MIER3: variants seen among roughly 807,000 people sequenced by gnomAD.
MIER3 encodes the protein MIER family member 3.
MIER3 carries 9 observed loss-of-function variants against 63.2 expected under a neutral mutation model. That is an observed-to-expected ratio of 0.14 (90% CI 0.09 to 0.25). MIER3 has a LOEUF of 0.25. Ranked by LOEUF, MIER3 falls within the 10% of genes least tolerant of loss-of-function variation. The pLI, the probability that MIER3 is intolerant of heterozygous loss-of-function variation, is 1.00. For missense variants in MIER3, 512 were observed against 666.2 expected (o/e 0.77, Z 2.55); for synonymous variants, 205 against 224.9 (o/e 0.91, Z 0.79).
chr5:56,935,573 C>T (rs983075590), intron 6 of MIER3, 73 bp from the exon 7 acceptor site: 1 of 1,493,830 alleles, frequency 6.7e-7, no homozygotes, highest in African/African-American at 1.4e-5. Context: ...TATCATTAAT[C>T]AGTTTCTACA....
At chr5:56,950,775 G>T (rs371005199) in intron 1 of MIER3, 123 bp from the exon 2 acceptor site, 4 of 1,104,992 alleles carry the variant, frequency 3.6e-6, no homozygotes, top group Non-Finnish European at 5.4e-6. Flanking sequence ...AGTGCAAGAC[G>T]TAGCTTCACT....
intron 3 of MIER3, among the ~76,000 whole-genome samples, chr5:56,939,788 C>T (rs1276476233): frequency 6.6e-6 from 1 of 152,178 alleles, no homozygotes; most frequent in Non-Finnish European, 1.5e-5. Context: ...TAAGTGTTAC[C>T]ATGCACAACG....
rs768854071 is a variant in MIER3 at position 56,923,160 on chromosome 5, G to C, written c.1621C>G (p.Leu541Val). ...GAGTGTAGGGCCGCGTGCTGATGCA[G>C]AGCATGGGCACTGATGAAACCATTG... The part of the protein sequence containing the change: ...ETNGFISAHA[L>V]HQHAALHSE The change falls in exon 13 of 13, where the codon CTG becomes GTG. Residue 541 changes from leucine (L) to valine (V), a missense_variant. This residue lies in a region of MIER3 where 218 missense variants were observed against 251.2 expected (regional missense o/e 0.87). Coordinates refer to ENST00000381199, the MANE Select transcript of MIER3 (RefSeq NM_001297599.2). The C allele has an allele frequency of 1.9e-6, 3 of 1,613,944 alleles. No individual in the cohort carries two copies. The highest frequency in any genetic ancestry group is 2.2e-5 in the East Asian group (1 of 44,878).
chr5:56,934,598 ACTGTC>A (rs1331616908), intron 7 of MIER3, among the ~76,000 whole-genome samples: 1 of 152,288 alleles, frequency 6.6e-6, no homozygotes, highest in East Asian at 1.9e-4. Context: ...CCCTGGGATA[ACTGTC>A]TTTTAACACT....
chr5:56,947,221 A>ATAT, intron 2 of MIER3, 150 bp from the exon 3 acceptor site: 1 of 745,870 alleles, frequency 1.3e-6, no homozygotes, highest in Non-Finnish European at 2.0e-6. Flanking sequence ...GTTATAAATT[A>ATAT]AGACCCCATG....
Position 56,947,008 on chromosome 5 carries a change from T to C in MIER3, c.98A>G (p.Tyr33Cys), listed in dbSNP as rs1189319527. The change falls in exon 3 of 13, where the codon TAT becomes TGT. Residue 33 changes from tyrosine to cysteine, a missense_variant. Physicochemically the swap from Tyr to Cys is radical, Grantham distance 194 (BLOSUM62 -2). Around this residue, in one of 5 missense-constraint regions of MIER3, gnomAD observed 98 missense variants for 107.4 expected, o/e 0.91. Transcript: ENST00000381199. ...DPTAEMLVHD[Y>C]DDERTLEEEE... ...TTCTTCAAGAGTTCTTTCATCATCA[T>C]AGTCATGGACCAACATCTCAGCAGT... is the stretch of plus-strand genomic sequence containing the variant. 4 of 1,610,454 alleles carry C rather than the reference T, an allele frequency of 2.5e-6. No homozygotes were observed. Among genetic ancestry groups the C allele is most frequent in the South Asian group, 2.2e-5 (2 of 90,144 alleles).
chr5:56,936,129 A>G (rs898969315), intron 5 of MIER3, among the ~76,000 whole-genome samples: 4 of 152,080 alleles, frequency 2.6e-5, no homozygotes, highest in Non-Finnish European at 5.9e-5. Context: ...AGGCAGGAGA[A>G]TCGCCTGAAC....
In MIER3 at chr5:56,938,907, T is replaced by C. The variant is rs751096617; in HGVS notation, c.291A>G (p.Glu97=). The C allele has an allele frequency of 6.2e-7, 1 of 1,614,124 alleles. No individual in the cohort carries two copies. The highest frequency in any genetic ancestry group is 1.1e-5 in the South Asian group (1 of 91,080). ...ANSSPSELAD[E]LPDMTLDKEE... ...CTTTGTCTAGTGTCATGTCTGGTAG[T>C]TCATCTGCCAGTTCACTTGGGGAAC... Residue 97 remains glutamate, a synonymous_variant, in exon 4 of 13, where the codon GAA becomes GAG. Coordinates refer to ENST00000381199, the MANE Select transcript of MIER3 (RefSeq NM_001297599.2).
chr5:56,937,512 CAAT>C, intron 5 of MIER3, 63 bp downstream of exon 5: 1 of 1,417,668 alleles, frequency 7.1e-7, no homozygotes, highest in Non-Finnish European at 9.5e-7. Flanking sequence ...TTACTGAACA[CAAT>C]AAAATGTACT....
intron 2 of MIER3, among the ~76,000 whole-genome samples, chr5:56,947,613 T>C (rs1750870373): frequency 6.6e-6 from 1 of 152,172 alleles, no homozygotes; most frequent in Admixed American, 6.5e-5. Flanking sequence ...TATACAGCCA[T>C]TCAGCTTTTA....
At chr5:56,942,295 G>A (rs2112134157) in intron 3 of MIER3, among the ~76,000 whole-genome samples, 1 of 152,350 alleles carries the variant, frequency 6.6e-6, no homozygotes, top group East Asian at 1.9e-4. Context: ...CAATGGGTAT[G>A]TCTGAAAATT....
chr5:56,930,833 A>C, intron 8 of MIER3, 88 bp from the exon 9 acceptor site: 1 of 1,048,046 alleles, frequency 9.5e-7, no homozygotes, highest in South Asian at 1.3e-5. Flanking sequence ...TAAATATTGG[A>C]GTCTTGATAA....
At chr5:56,925,340 G>C in intron 10 of MIER3, 1 of 454,880 alleles carries the variant, frequency 2.2e-6, no homozygotes, top group South Asian at 1.6e-5. Flanking sequence ...CAGGTGACAT[G>C]ACTGTCTACG....
chr5:56,939,924 A>G (rs1750584281), intron 3 of MIER3, among the ~76,000 whole-genome samples: 1 of 152,156 alleles, frequency 6.6e-6, no homozygotes, highest in Non-Finnish European at 1.5e-5. Flanking sequence ...GTCTAAGCAT[A>G]CTCTATGATG....
intron 2 of MIER3, among the ~76,000 whole-genome samples, chr5:56,947,509 T>C (rs1051054233): frequency 8.5e-5 from 13 of 152,174 alleles, no homozygotes; most frequent in African/African-American, 2.4e-4. Flanking sequence ...TTCAGGATAA[T>C]ATAAATTTTA....
rs2112124592 is a variant in MIER3, at chr5:56,939,141, T to A, written c.181-124A>T. The A allele has an allele frequency of 5.7e-6, 6 of 1,053,840 alleles. No homozygotes were observed. In the South Asian group the frequency reaches 1.1e-4, roughly 20 times the overall value. 65.3% of individuals were successfully genotyped at this position (1,053,840 alleles called of 1,614,324 possible). ...AACAGCAGAACAAATCAAAGGCAAGTTTCAGTTTTTCTTTTTGTGCTGTTG... is the reference window on the plus strand; with the variant it reads ...AACAGCAGAACAAATCAAAGGCAAGATTCAGTTTTTCTTTTTGTGCTGTTG... On this transcript the variant is annotated intron_variant, in intron 3 of 12. Coordinates refer to ENST00000381199, the MANE Select transcript of MIER3 (RefSeq NM_001297599.2).
rs1389780825 is a variant in MIER3, at chr5:56,947,055, A to G, written c.51T>C (p.Ser17=). The change falls in exon 3 of 13, where the codon TCT becomes TCC. Residue 17 remains serine (S), a synonymous_variant. Transcript: ENST00000381199. ...GSSSPVGSLS[S]EDHDFDPTAE... is the part of the protein sequence containing the mutation. ...CAGTGGGGTCAAAATCATGATCCTC[A>G]GAAGACAAAGACCCAACTGGAATAA... is the stretch of plus-strand genomic sequence containing the variant. The G allele has an allele frequency of 2.5e-6, 4 of 1,607,962 alleles. No homozygotes were observed. The highest frequency in any genetic ancestry group is 3.4e-6 in the Non-Finnish European group (4 of 1,178,244).
chr5:56,946,814 G>C (rs1488248889), intron 3 of MIER3, 112 bp downstream of exon 3: 1 of 847,444 alleles, frequency 1.2e-6, no homozygotes, highest in African/African-American at 1.8e-5. Context: ...CAAAATAAGA[G>C]TGAAAAAAAA....
chr5:56,930,557 T>G, intron 9 of MIER3, 107 bp downstream of exon 9: 1 of 902,552 alleles, frequency 1.1e-6, no homozygotes, highest in East Asian at 2.4e-5. Flanking sequence ...AACCAGATCT[T>G]ACAAAAGTGT....
Sources: gnomAD v4.1 joint callset for allele counts (sites outside exome capture counted in the v4.1 genomes callset) on GRCh38, gnomAD v4.1.1 for gene constraint, gnomAD v4.1.1 regional missense constraint, MANE v1.5 for transcripts, NCBI Gene and HGNC (gene_info 2026-07-23, HGNC 2026-07-21) for gene names.